Variants in NXPH2 observed in about 807,000 individuals in gnomAD.
The protein encoded by NXPH2 is neurexophilin 2, also known as neurexophilin-2.
In NXPH2, 5 loss-of-function variants were observed where a neutral mutation model predicts 19.8. The observed-to-expected ratio is 0.25, with a 90% CI of 0.13 to 0.53. The LOEUF (loss-of-function observed/expected upper bound fraction) is 0.53. Ranked by LOEUF, NXPH2 falls within the 20% of genes least tolerant of loss-of-function variation. The pLI is 0.96. For synonymous variants in NXPH2, 154 were observed against 127.4 expected, an observed-to-expected ratio of 1.21 and a Z score of -1.41; for missense variants, 289 against 322.8, an observed-to-expected ratio of 0.90 and a Z score of 0.80.
At chr2:138,739,495 G>A (rs1424488721) in intron 1 of NXPH2, among the ~76,000 whole-genome samples, 3 of 152,214 alleles carry the variant, frequency 2.0e-5, no homozygotes, top group Non-Finnish European at 4.4e-5. Flanking sequence ...TGTGGAGGGT[G>A]TAGAACAGGA....
At chr2:138,754,907 A>T (rs1391114494) in intron 1 of NXPH2, among the ~76,000 whole-genome samples, 1 of 152,096 alleles carries the variant, frequency 6.6e-6, no homozygotes, top group Non-Finnish European at 1.5e-5. Flanking sequence ...GATTTTAGGC[A>T]TTCTTATGTG....
chr2:138,717,150 T>C (rs1258786442), intron 1 of NXPH2, among the ~76,000 whole-genome samples: 1 of 152,152 alleles, frequency 6.6e-6, no homozygotes, highest in Non-Finnish European at 1.5e-5. Flanking sequence ...AGGAGCTTTT[T>C]ATATACTGAT....
intron 1 of NXPH2, among the ~76,000 whole-genome samples, chr2:138,728,170 CT>C (rs1681388419): frequency 6.6e-6 from 1 of 152,064 alleles, no homozygotes; most frequent in Admixed American, 6.6e-5. Context: ...CTCTCTCTCT[CT>C]CTCTCTCTGT....
chr2:138,727,556 G>A (rs138860102), intron 1 of NXPH2, among the ~76,000 whole-genome samples: 9 of 151,172 alleles, frequency 6.0e-5, no homozygotes, highest in African/African-American at 2.2e-4. Flanking sequence ...TTGGTGAGGT[G>A]TCTGTTAAGG....
At chr2:138,682,218 A>G (rs1196101944) in intron 1 of NXPH2, among the ~76,000 whole-genome samples, 1 of 152,232 alleles carries the variant, frequency 6.6e-6, no homozygotes, top group African/African-American at 2.4e-5. Flanking sequence ...TATATAATTA[A>G]TGATCAAATT....
intron 1 of NXPH2, among the ~76,000 whole-genome samples, chr2:138,737,056 C>G (rs1323062223): frequency 2.0e-5 from 3 of 152,226 alleles, no homozygotes; most frequent in Non-Finnish European, 4.4e-5. Flanking sequence ...AAGTTCCAAA[C>G]TTTCCCACAT....
intron 1 of NXPH2, among the ~76,000 whole-genome samples, chr2:138,738,028 T>C (rs1400622307): frequency 1.3e-5 from 2 of 151,896 alleles, no homozygotes; most frequent in African/African-American, 4.8e-5. Flanking sequence ...TAACTCGTCA[T>C]TTAACATTAG....
intron 1 of NXPH2, among the ~76,000 whole-genome samples, chr2:138,776,648 T>C (rs1205812910): frequency 1.3e-5 from 2 of 149,562 alleles, no homozygotes; most frequent in Non-Finnish European, 3.0e-5. Flanking sequence ...CATTGTCATA[T>C]AGCCAACAGA....
At chr2:138,698,996 A>G (rs1680876522) in intron 1 of NXPH2, among the ~76,000 whole-genome samples, 1 of 152,196 alleles carries the variant, frequency 6.6e-6, no homozygotes, top group African/African-American at 2.4e-5. Flanking sequence ...AGTTTTGTAT[A>G]TTGGATTCTT....
intron 1 of NXPH2, among the ~76,000 whole-genome samples, chr2:138,773,310 T>C (rs1682206718): frequency 6.6e-6 from 1 of 152,208 alleles, no homozygotes; most frequent in Non-Finnish European, 1.5e-5. Context: ...TCCATTTCCA[T>C]AGCCATATTC....
chr2:138,772,541 C>T (rs760713627), intron 1 of NXPH2, among the ~76,000 whole-genome samples: 8 of 152,120 alleles, frequency 5.3e-5, no homozygotes, highest in Admixed American at 1.3e-4. Context: ...AGGTGATCTC[C>T]CCACCTCGAC....
chr2:138,682,809 G>A (rs945604924), intron 1 of NXPH2, among the ~76,000 whole-genome samples: 11 of 152,124 alleles, frequency 7.2e-5, no homozygotes, highest in Non-Finnish European at 1.3e-4. Flanking sequence ...ATTTTATCTT[G>A]ATGACAGTAA....
intron 1 of NXPH2, among the ~76,000 whole-genome samples, chr2:138,674,158 C>A (rs1680452600): frequency 6.6e-6 from 1 of 151,086 alleles, no homozygotes; most frequent in African/African-American, 2.4e-5. Flanking sequence ...TCTTTTTTTT[C>A]TTTTTCTTTT....
intron 1 of NXPH2, among the ~76,000 whole-genome samples, chr2:138,727,679 G>A (rs1160911595): frequency 1.3e-5 from 1 of 74,166 alleles, no homozygotes; most frequent in Non-Finnish European, 2.6e-5. Context: ...GGCGGGGGGG[G>A]TTCTTTTGCA....
intron 1 of NXPH2, among the ~76,000 whole-genome samples, chr2:138,745,504 G>T (rs1221026522): frequency 1.5e-5 from 2 of 135,598 alleles, no homozygotes; most frequent in Admixed American, 7.4e-5. Flanking sequence ...GGGGGGGGGG[G>T]GGTGTTGTTT....
At chr2:138,671,935 G>T (rs1406803697) in intron 1 of NXPH2, among the ~76,000 whole-genome samples, 1 of 152,114 alleles carries the variant, frequency 6.6e-6, no homozygotes, top group Non-Finnish European at 1.5e-5. Context: ...TCTGTTTCCT[G>T]ATCTTCACAA....
rs1461304233 is a variant in NXPH2, at chr2:138,670,269, A to AT, written c.*652dup. ...TCAGTATTCAAACTCAGGGGGAATC[A>AT]TAAGAATGGTGACCAACACAGGGCT... On this transcript the variant is annotated 3_prime_UTR_variant, in exon 2 of 2. Transcript: ENST00000272641. 6.6e-6 allele frequency among the ~76,000 whole-genome samples: 1 copy of AT among 152,220 alleles called. No homozygotes were observed. Among genetic ancestry groups the AT allele is most frequent in the African/African-American group, 2.4e-5 (1 of 41,464 alleles).
chr2:138,755,667 T>C lies in NXPH2; in HGVS notation c.51+24524A>G, dbSNP rs1240944753. ...GTTGGATATTCTAGGTATTGGACTT[T>C]CTATAAAAATTTTAGAGCCAGTTTG... On this transcript the variant is annotated intron_variant, in intron 1 of 1. Coordinates refer to ENST00000272641, the MANE Select transcript of NXPH2 (RefSeq NM_007226.3). 2.0e-5 allele frequency among the ~76,000 whole-genome samples: 3 copies of C among 152,136 alleles called. No homozygotes were observed. The East Asian group carries it at 5.8e-4, about 29-fold the overall frequency.
chr2:138,752,208 A>G (rs1157985147), intron 1 of NXPH2, among the ~76,000 whole-genome samples: 1 of 152,000 alleles, frequency 6.6e-6, no homozygotes, highest in African/African-American at 2.4e-5. Flanking sequence ...CAAATCCCTC[A>G]TTTTCTCTCA....
Sources: allele counts gnomAD v4.1 joint callset (sites outside exome capture counted in the v4.1 genomes callset), GRCh38; gene constraint gnomAD v4.1.1; transcripts MANE v1.5; gene names NCBI Gene and HGNC (gene_info 2026-07-23, HGNC 2026-07-21).